Variants in PRDM6 observed in about 807,000 individuals in gnomAD.
PRDM6 encodes putative histone-lysine N-methyltransferase PRDM6.
A neutral mutation model predicts 60.8 loss-of-function variants in PRDM6; 25 were observed. That is an observed-to-expected ratio of 0.41 (90% CI 0.30 to 0.57). The LOEUF is 0.57. Among genes scored for constraint, PRDM6 ranks in the 20% least tolerant of loss-of-function variants. The pLI is 0.27. For missense variants in PRDM6, 839 were observed against 821.3 expected (o/e 1.02, Z -0.26); for synonymous variants, 407 against 357.4 (o/e 1.14, Z -1.57).
At chr5:123,177,536 G>A (rs1178747364) in intron 6 of PRDM6, among the ~76,000 whole-genome samples, 3 of 152,054 alleles carry the variant, frequency 2.0e-5, no homozygotes, top group Admixed American at 6.5e-5. Context: ...CCTATATTTT[G>A]GTACTAGATT....
intron 2 of PRDM6, among the ~76,000 whole-genome samples, chr5:123,094,202 G>A (rs1763908053): frequency 6.6e-6 from 1 of 152,176 alleles, no homozygotes; most frequent in East Asian, 1.9e-4. Context: ...AAAGGAGGGC[G>A]AGTGTTTTCT....
chr5:123,166,825 T>C (rs1765762843), intron 5 of PRDM6, among the ~76,000 whole-genome samples: 4 of 152,272 alleles, frequency 2.6e-5, no homozygotes, highest in Admixed American at 2.6e-4. Flanking sequence ...ATGTTCTTCC[T>C]TGACTGTATC....
At chr5:123,100,641 A>G (rs1287575745) in intron 3 of PRDM6, among the ~76,000 whole-genome samples, 2 of 152,234 alleles carry the variant, frequency 1.3e-5, no homozygotes, top group Non-Finnish European at 2.9e-5. Context: ...ATCTTCATCA[A>G]TATGGAAAAT....
At position 123,099,859 on chromosome 5, in the gene PRDM6, G is replaced by A. The variant is rs746963963; in HGVS notation, c.798G>A (p.Gln266=). ...TGGCCTACGGCATCTGCGCGGCGCA[G>A]AGGATCCAGCAAGGCACCTGGATTG... ...PGLAYGICAA[Q]RIQQGTWIGP... is the part of the protein sequence containing the mutation. Residue 266 remains glutamine, a synonymous_variant, in exon 3 of 8, where the codon CAG becomes CAA. Coordinates refer to ENST00000407847, the MANE Select transcript of PRDM6 (RefSeq NM_001136239.4). The surrounding 1 kb of genome is among the most constrained non-coding windows in gnomAD (Gnocchi z 4.0). The A allele has an allele frequency of 6.4e-7, 1 of 1,550,600 alleles. No individual in the cohort carries two copies. The highest frequency in any genetic ancestry group is 1.4e-5 in the African/African-American group (1 of 73,170).
chr5:123,101,024 G>A (rs1764091352), intron 3 of PRDM6, among the ~76,000 whole-genome samples: 1 of 152,140 alleles, frequency 6.6e-6, no homozygotes, highest in Admixed American at 6.5e-5. Flanking sequence ...ATGAACCCCT[G>A]GGCTCCATTA....
intron 3 of PRDM6, among the ~76,000 whole-genome samples, chr5:123,144,946 A>G (rs1417123583): frequency 6.6e-6 from 1 of 152,052 alleles, no homozygotes; most frequent in African/African-American, 2.4e-5. Context: ...CCAGCTACCC[A>G]TCCAAGCAGC....
intron 3 of PRDM6, among the ~76,000 whole-genome samples, chr5:123,100,506 A>G (rs1764077857): frequency 1.3e-5 from 2 of 152,250 alleles, no homozygotes; most frequent in South Asian, 4.1e-4. Context: ...CACATGTTTC[A>G]CAACTTTCAA....
intron 3 of PRDM6, among the ~76,000 whole-genome samples, chr5:123,153,756 A>G (rs1316622509): frequency 1.3e-5 from 2 of 152,096 alleles, no homozygotes; most frequent in Admixed American, 1.3e-4. Flanking sequence ...CTAATTTTCA[A>G]GGTGGACTGG....
rs1235601070 is a variant in PRDM6 at position 123,099,430 on chromosome 5, G to T, written c.593-224G>T. Reference sequence around the variant, plus strand: ...TTTGGGGAGCCTAGAGTCCTGGCCCGGTACCAGGCAGATCTGGGTGCGGCG... The same window carrying T: ...TTTGGGGAGCCTAGAGTCCTGGCCCTGTACCAGGCAGATCTGGGTGCGGCG... On this transcript the variant is annotated intron_variant, in intron 2 of 7. Coordinates refer to ENST00000407847, the MANE Select transcript of PRDM6 (RefSeq NM_001136239.4). The surrounding 1 kb of genome is among the most constrained non-coding windows in gnomAD (Gnocchi z 4.0). 2.0e-5 allele frequency among the ~76,000 whole-genome samples: 3 copies of T among 152,160 alleles called. No homozygotes were observed. The highest frequency in any genetic ancestry group is 4.4e-5 in the Non-Finnish European group (3 of 68,020).
chr5:123,092,469 G>C (rs1227927480), intron 2 of PRDM6, among the ~76,000 whole-genome samples: 2 of 152,078 alleles, frequency 1.3e-5, no homozygotes, highest in African/African-American at 4.8e-5. Flanking sequence ...AAATTAATAC[G>C]TTTTCACCAG....
chr5:123,175,774 T>G (rs1431033190), intron 6 of PRDM6, among the ~76,000 whole-genome samples: 2 of 152,200 alleles, frequency 1.3e-5, no homozygotes, highest in African/African-American at 2.4e-5. Context: ...GGATTAATAT[T>G]TTTAAGCCAA....
At chr5:123,153,599 A>T (rs1413704630) in intron 3 of PRDM6, among the ~76,000 whole-genome samples, 1 of 152,216 alleles carries the variant, frequency 6.6e-6, no homozygotes, top group Non-Finnish European at 1.5e-5. Context: ...ATATTTGGGA[A>T]AAGCCTGACA....
rs182786843 is a variant in PRDM6 at position 123,180,267 on chromosome 5, C to T, written c.1617C>T (p.Ala539=). 3,677 of 1,551,742 alleles carry T rather than the reference C, an allele frequency of 2.4e-3. 18 individuals carry two copies. Among genetic ancestry groups the T allele is most frequent in the African/African-American group, 0.018 (1,306 of 73,168 alleles). The change falls in exon 7 of 8, where the codon GCC becomes GCT. Residue 539 remains alanine, a synonymous_variant. Transcript: ENST00000407847. The part of the protein sequence containing the change: ...FKCGYCGRAF[A]GATTLNNHIR... ...GCGGCTACTGTGGTCGTGCCTTTGC[C>T]GGGGCCACCACCCTCAACAACCACA...
intron 4 of PRDM6, 73 bp downstream of exon 4, chr5:123,156,084 A>C: frequency 7.1e-7 from 1 of 1,412,394 alleles, no homozygotes; most frequent in Admixed American, 2.7e-5. Flanking sequence ...CAGGCTTGCC[A>C]CTGGTGGGTA....
intron 3 of PRDM6, among the ~76,000 whole-genome samples, chr5:123,146,115 T>C (rs187054028): frequency 1.3e-5 from 2 of 152,344 alleles, no homozygotes; most frequent in Admixed American, 6.5e-5. Flanking sequence ...CTGTCTAACA[T>C]AGCAGTTTGC....
In PRDM6 at chr5:123,193,725, A is replaced by C. The variant is rs1223370036; in HGVS notation, c.*6524A>C. ...AATTATTTTTTTTATATCAAGGGGA[A>C]GACATCCAGTTCTGTAGGATGCTAA... On this transcript the variant is annotated 3_prime_UTR_variant, in exon 8 of 8. Coordinates refer to ENST00000407847, the MANE Select transcript of PRDM6 (RefSeq NM_001136239.4). 1 of 152,224 alleles carries C rather than the reference A, an allele frequency of 6.6e-6. No homozygotes were observed. The allele number at this position is 152,224 out of a possible 1,614,324, so 9.4% of individuals were successfully genotyped here.
At chr5:123,176,889 C>G (rs1300980902) in intron 6 of PRDM6, among the ~76,000 whole-genome samples, 2 of 152,168 alleles carry the variant, frequency 1.3e-5, no homozygotes, top group Non-Finnish European at 2.9e-5. Flanking sequence ...TTTAATAAGT[C>G]TTACCTTTTG....
rs1000548349 is a variant in PRDM6 at position 123,170,898 on chromosome 5, A to C, written c.1286A>C (p.Asn429Thr). The change falls in exon 6 of 8, where the codon AAC becomes ACC. Residue 429 changes from asparagine (N) to threonine (T), a missense_variant. By Grantham distance (65) the Asn-to-Thr change is moderately conservative. Transcript: ENST00000407847. Reference sequence around the variant, plus strand: ...TTCCCCCAGACTCCGTGCAGCAGGAACTTCTCTCTTCTGGATAAGTCTGGG... The same window carrying C: ...TTCCCCCAGACTCCGTGCAGCAGGACCTTCTCTCTTCTGGATAAGTCTGGG... Reference protein sequence around the residue: ...VVFPQTPCSRNFSLLDKSGPI... With the variant: ...VVFPQTPCSRTFSLLDKSGPI... 43 of 1,552,164 alleles carry C rather than the reference A, an allele frequency of 2.8e-5. No homozygotes were observed. Among genetic ancestry groups the C allele is most frequent in the Non-Finnish European group, 3.7e-5 (42 of 1,147,086 alleles).
intron 2 of PRDM6, among the ~76,000 whole-genome samples, chr5:123,094,583 G>A (rs919918235): frequency 6.6e-6 from 1 of 152,140 alleles, no homozygotes; most frequent in East Asian, 1.9e-4. Flanking sequence ...AAGAGGTGGC[G>A]ACTGTTTATT....
Sources: gnomAD v4.1 joint callset for allele counts (sites outside exome capture counted in the v4.1 genomes callset) on GRCh38, gnomAD v4.1.1 for gene constraint, Gnocchi (gnomAD v3.1) non-coding constraint, MANE v1.5 for transcripts, NCBI Gene and HGNC (gene_info 2026-07-23, HGNC 2026-07-21) for gene names.